APOLD1: variants seen among roughly 807,000 people sequenced by gnomAD.
APOLD1 encodes the protein apolipoprotein L domain containing 1, also known as apolipoprotein L domain-containing protein 1.
A neutral mutation model predicts 15.3 loss-of-function variants in APOLD1; 22 were observed. The observed-to-expected ratio is 1.44, with a 90% CI of 1.03 to 2.05. The LOEUF (loss-of-function observed/expected upper bound fraction) is 2.05. APOLD1 is among the 30% of genes most tolerant of loss of function. The pLI, the probability that APOLD1 is intolerant of heterozygous loss-of-function variation, is 0.00. For synonymous variants in APOLD1, 190 were observed against 167.4 expected (o/e 1.13, Z -1.04); for missense variants, 394 against 353.5 (o/e 1.11, Z -0.92).
chr12:12,784,136 T>C (rs1326635426), upstream of APOLD1, among the ~76,000 whole-genome samples: 1 of 152,206 alleles, frequency 6.6e-6, no homozygotes, highest in African/African-American at 2.4e-5. Context: ...CTCTGTACTA[T>C]GATATTGATG....
intron 1 of APOLD1, among the ~76,000 whole-genome samples, chr12:12,757,716 C>A (rs930095563): frequency 6.6e-5 from 10 of 151,578 alleles, no homozygotes; most frequent in African/African-American, 2.4e-4. Context: ...ACGTAACATA[C>A]AATTCACTTA....
rs368129670 is a variant in APOLD1 at position 12,786,890 on chromosome 12, C to T, written c.4-19C>T. ...TGGCACGGAGACTCCAGGCTGACCGCGTGTCTATGTCCCCGCAGGGAATGG... is the reference window on the plus strand; with the variant it reads ...TGGCACGGAGACTCCAGGCTGACCGTGTGTCTATGTCCCCGCAGGGAATGG... On this transcript the variant is annotated intron_variant, in intron 1 of 1. Coordinates refer to ENST00000356591, the MANE Select transcript of APOLD1 (RefSeq NM_030817.3). The T allele has an allele frequency of 0.018, 24,814 of 1,410,310 alleles. 285 individuals carry two copies. The highest frequency in any genetic ancestry group is 0.02 in the Non-Finnish European group (21,378 of 1,093,630). The allele number at this position is 1,410,310 out of a possible 1,614,324, so 87.4% of individuals were successfully genotyped here.
intron 1 of APOLD1, among the ~76,000 whole-genome samples, chr12:12,734,082 A>G (rs1362647312): frequency 1.3e-5 from 2 of 152,170 alleles, no homozygotes; most frequent in Non-Finnish European, 2.9e-5. Flanking sequence ...TACATGAGTT[A>G]TGAGGAGTGT....
chr12:12,785,727 A>G (rs371815848), intron 1 of APOLD1, 33 bp downstream of exon 1: 138 of 1,601,864 alleles, frequency 8.6e-5, no homozygotes, highest in Admixed American at 1.7e-4. Context: ...TATATTCGGG[A>G]TGACTTTTTC....
chr12:12,745,567 G>A (rs1443261889), intron 1 of APOLD1, among the ~76,000 whole-genome samples: 1 of 152,112 alleles, frequency 6.6e-6, no homozygotes, highest in Non-Finnish European at 1.5e-5. Flanking sequence ...GGAGACATAA[G>A]TGAGCTGTAC....
intron 1 of APOLD1, among the ~76,000 whole-genome samples, chr12:12,768,205 AG>A (rs1946955619): frequency 6.6e-6 from 1 of 152,242 alleles, no homozygotes; most frequent in African/African-American, 2.4e-5. Flanking sequence ...ACAATTGAAA[AG>A]GTCACAGATA....
intron 1 of APOLD1, among the ~76,000 whole-genome samples, chr12:12,755,909 T>C (rs990543313): frequency 2.6e-5 from 4 of 152,218 alleles, no homozygotes; most frequent in Non-Finnish European, 5.9e-5. Context: ...GTTTCTAGCC[T>C]GCCAGCCTGC....
chr12:12,743,382 G>T (rs1034667041), intron 1 of APOLD1, among the ~76,000 whole-genome samples: 18 of 152,176 alleles, frequency 1.2e-4, no homozygotes, highest in South Asian at 1.0e-3. Flanking sequence ...AAAAAAACAG[G>T]TGTGATTAAT....
At chr12:12,732,729 CAAA>C (rs34221371) in intron 1 of APOLD1, among the ~76,000 whole-genome samples, 6 of 87,656 alleles carry the variant, frequency 6.8e-5, no homozygotes, top group Non-Finnish European at 7.8e-5. Flanking sequence ...GACTCTGTCT[CAAA>C]AAAAAAAAAA....
At chr12:12,780,013 A>T (rs1260799554) in intron 1 of APOLD1, among the ~76,000 whole-genome samples, 15 of 152,118 alleles carry the variant, frequency 9.9e-5, no homozygotes, top group Admixed American at 9.2e-4. Flanking sequence ...TCTGCAGAAT[A>T]AGTATTCTAA....
chr12:12,735,747 G>A (rs2136370431), intron 1 of APOLD1, among the ~76,000 whole-genome samples: 1 of 150,792 alleles, frequency 6.6e-6, no homozygotes, highest in Non-Finnish European at 1.5e-5. Flanking sequence ...TCGAAGACCT[G>A]CCTGGACAAT....
chr12:12,786,972 C>G lies in APOLD1; in HGVS notation c.67C>G (p.Leu23Val). The G allele has an allele frequency of 6.9e-7, 1 of 1,457,702 alleles. No homozygotes were observed. Among genetic ancestry groups the G allele is most frequent in the Non-Finnish European group, 9.0e-7 (1 of 1,114,698 alleles). The allele number at this position is 1,457,702 out of a possible 1,614,324, so 90.3% of individuals were successfully genotyped here. A position where few individuals can be genotyped will look rare whatever the true frequency, so the allele number is the denominator to read the frequency against. ...GPDALRRFQG[L>V]LLDRRGRLHG... ...CGACGCGCTGCGGCGCTTCCAGGGACTGCTGCTGGACCGCCGAGGCCGGCT... is the reference window on the plus strand; with the variant it reads ...CGACGCGCTGCGGCGCTTCCAGGGAGTGCTGCTGGACCGCCGAGGCCGGCT... The change falls in exon 2 of 2, where the codon CTG becomes GTG. Residue 23 changes from leucine (L) to valine (V), a missense_variant. Leu to Val is a conservative substitution (Grantham distance 32). Coordinates refer to ENST00000356591, the MANE Select transcript of APOLD1 (RefSeq NM_030817.3).
chr12:12,745,812 ATGCCAAGTGGTCT>A (rs1450187477), intron 1 of APOLD1, among the ~76,000 whole-genome samples: 1 of 152,080 alleles, frequency 6.6e-6, no homozygotes, highest in Non-Finnish European at 1.5e-5. Flanking sequence ...GGCAAGGAAA[ATGCCAAGTGGTCT>A]TGCCTACAGC....
chr12:12,728,192 C>T (rs889041152), intron 1 of APOLD1, among the ~76,000 whole-genome samples: 3 of 150,928 alleles, frequency 2.0e-5, no homozygotes, highest in Admixed American at 1.3e-4. Context: ...GTATTGAATG[C>T]CTGACTTCAA....
chr12:12,728,833 A>C (rs952142442), intron 1 of APOLD1, among the ~76,000 whole-genome samples: 2 of 152,182 alleles, frequency 1.3e-5, no homozygotes, highest in South Asian at 4.1e-4. Context: ...ATAGGAAGAA[A>C]GTGGGGAGAC....
At chr12:12,759,682 C>T (rs939282668) in intron 1 of APOLD1, among the ~76,000 whole-genome samples, 1 of 152,168 alleles carries the variant, frequency 6.6e-6, no homozygotes, top group East Asian at 1.9e-4. Context: ...GGGACTGACC[C>T]CGTCTGCAGC....
chr12:12,761,828 T>TAGAGAG (rs1335110034), intron 1 of APOLD1, among the ~76,000 whole-genome samples: 4 of 20,694 alleles, frequency 1.9e-4, no homozygotes, highest in Non-Finnish European at 3.8e-4. Context: ...TATGTATATG[T>TAGAGAG]ATAGAGAGAG....
At chr12:12,728,703 AAAAG>A (rs761251614) in intron 1 of APOLD1, among the ~76,000 whole-genome samples, 12 of 151,394 alleles carry the variant, frequency 7.9e-5, no homozygotes, top group Non-Finnish European at 1.6e-4. Flanking sequence ...AGAGAGAAAG[AAAAG>A]AAAGAAAGAG....
At chr12:12,772,540 G>T (rs1201826299) in intron 1 of APOLD1, among the ~76,000 whole-genome samples, 1 of 152,156 alleles carries the variant, frequency 6.6e-6, no homozygotes, top group African/African-American at 2.4e-5. Context: ...ATTATAACTG[G>T]AGACTTCAAC....
Sources: allele counts gnomAD v4.1 joint callset (sites outside exome capture counted in the v4.1 genomes callset), GRCh38; gene constraint gnomAD v4.1.1; transcripts MANE v1.5; gene names NCBI Gene and HGNC (gene_info 2026-07-23, HGNC 2026-07-21).